NRP2: variants seen among roughly 807,000 people sequenced by gnomAD.
NRP2 encodes the protein neuropilin-2.
A neutral mutation model predicts 110.4 loss-of-function variants in NRP2; 52 were observed. The observed-to-expected ratio is 0.47, with a 90% confidence interval of 0.38 to 0.59. The LOEUF (loss-of-function observed/expected upper bound fraction) is 0.59, where lower values mean the gene tolerates loss of function less well. NRP2 is among the 20% of genes least tolerant of loss of function. The pLI, the probability that NRP2 is intolerant of heterozygous loss-of-function variation, is 0.00. For synonymous variants in NRP2, 508 were observed against 468.9 expected (o/e 1.08, Z -1.08); for missense variants, 1,049 against 1,203.0 (o/e 0.87, Z 1.89).
intron 7 of NRP2, among the ~76,000 whole-genome samples, chr2:205,733,883 T>G (rs1439532439): frequency 6.6e-6 from 1 of 151,990 alleles, no homozygotes; most frequent in Non-Finnish European, 1.5e-5. Context: ...TAGTATGCTG[T>G]GTTCCAGGCC....
At chr2:205,745,183 T>C (rs769374974) in intron 9 of NRP2, among the ~76,000 whole-genome samples, 5 of 152,190 alleles carry the variant, frequency 3.3e-5, no homozygotes, top group Admixed American at 6.5e-5. Flanking sequence ...GTGCTTTCCC[T>C]AAACAAAGGT....
At chr2:205,747,542 CAAA>C (rs1241861843) in intron 10 of NRP2, among the ~76,000 whole-genome samples, 1 of 152,260 alleles carries the variant, frequency 6.6e-6, no homozygotes, top group African/African-American at 2.4e-5. Context: ...AAGTGCACTC[CAAA>C]ATATTATAGT....
intron 16 of NRP2, among the ~76,000 whole-genome samples, chr2:205,793,183 T>C (rs1021198811): frequency 1.3e-5 from 2 of 152,066 alleles, no homozygotes; most frequent in Non-Finnish European, 2.9e-5. Context: ...CCAACCTACA[T>C]GGAGAGACCG....
intron 11 of NRP2, among the ~76,000 whole-genome samples, chr2:205,750,939 G>A (rs1324780583): frequency 6.6e-6 from 1 of 152,172 alleles, no homozygotes; most frequent in Non-Finnish European, 1.5e-5. Context: ...GACTGAAAAA[G>A]CAATAATTTA....
chr2:205,721,811 A>G (rs2057018359), intron 3 of NRP2, among the ~76,000 whole-genome samples: 1 of 152,038 alleles, frequency 6.6e-6, no homozygotes, highest in South Asian at 2.1e-4. Flanking sequence ...AACATCCCCA[A>G]CGGCCTGCTG....
chr2:205,782,846 CTG>C (rs905313892), intron 15 of NRP2, among the ~76,000 whole-genome samples: 3 of 151,192 alleles, frequency 2.0e-5, no homozygotes, highest in Admixed American at 6.6e-5. Context: ...AGTGTTCAGA[CTG>C]TGTCTAGTTT....
At chr2:205,794,255 C>T (rs923919613) in intron 16 of NRP2, among the ~76,000 whole-genome samples, 17 of 152,198 alleles carry the variant, frequency 1.1e-4, no homozygotes, top group Non-Finnish European at 1.9e-4. Flanking sequence ...GGACTACAGG[C>T]GCCCGCCACC....
chr2:205,753,810 A>G (rs1055156967), intron 12 of NRP2, among the ~76,000 whole-genome samples: 1 of 152,184 alleles, frequency 6.6e-6, no homozygotes, highest in African/African-American at 2.4e-5. Context: ...ACACAACATC[A>G]ATGGAGATGG....
intron 8 of NRP2, among the ~76,000 whole-genome samples, chr2:205,742,341 G>A (rs1003021380): frequency 6.6e-6 from 1 of 152,186 alleles, no homozygotes; most frequent in African/African-American, 2.4e-5. Flanking sequence ...AAAATAGATG[G>A]GGTCTCTGAC....
At chr2:205,786,833 G>A (rs1347485843) in intron 15 of NRP2, among the ~76,000 whole-genome samples, 1 of 152,160 alleles carries the variant, frequency 6.6e-6, no homozygotes, top group East Asian at 1.9e-4. Flanking sequence ...GGCAAGTATT[G>A]AACACATAGA....
intron 15 of NRP2, among the ~76,000 whole-genome samples, chr2:205,781,366 T>TA (rs1280841848): frequency 6.6e-6 from 1 of 152,248 alleles, no homozygotes; most frequent in African/African-American, 2.4e-5. Context: ...AAATACCAGA[T>TA]GTCAAGGCCT....
chr2:205,707,770 T>G (rs188142430), intron 2 of NRP2, among the ~76,000 whole-genome samples: 62 of 152,284 alleles, frequency 4.1e-4, no homozygotes, highest in African/African-American at 1.4e-3. Flanking sequence ...CCCTCACAAT[T>G]GGATCCCCTG....
At chr2:205,697,329 T>C (rs1287000908) in intron 1 of NRP2, among the ~76,000 whole-genome samples, 2 of 151,078 alleles carry the variant, frequency 1.3e-5, no homozygotes, top group South Asian at 2.1e-4. Context: ...TGTGTGTGTG[T>C]GTGTGTGTGT....
At chr2:205,728,770 C>A (rs1021979034) in intron 7 of NRP2, among the ~76,000 whole-genome samples, 1 of 152,244 alleles carries the variant, frequency 6.6e-6, no homozygotes, top group African/African-American at 2.4e-5. Context: ...ACAGCACACT[C>A]AGCCCATGGG....
In NRP2 at chr2:205,795,261, G is replaced by A. The variant is rs182574711; in HGVS notation, c.*203G>A. 160 of 610,986 alleles carry A rather than the reference G, an allele frequency of 2.6e-4. No homozygotes were observed. Among genetic ancestry groups the A allele is most frequent in the African/African-American group, 2.1e-3 (114 of 54,930 alleles). The allele number at this position is 610,986 out of a possible 1,614,324, so 37.8% of individuals were successfully genotyped here. ...AGGGGATGATTACCCTCCTAGGACC[G>A]CGGTGGCTAAGTCATTGCAGGAACG... On this transcript the variant is annotated 3_prime_UTR_variant, in exon 17 of 17. Coordinates refer to ENST00000357785, the MANE Select transcript of NRP2 (RefSeq NM_003872.3).
Position 205,683,159 on chromosome 2 carries a change from C to A in NRP2, c.-132C>A. ...GAGGTGAAGACAAGCCACCAGGACT[C>A]AGGAGGGAAACGCTGACCATTAGAA... On this transcript the variant is annotated 5_prime_UTR_variant, in exon 1 of 17. Transcript: ENST00000357785. 1 of 700,946 alleles carries A rather than the reference C, an allele frequency of 1.4e-6. No individual in the cohort carries two copies. The highest frequency in any genetic ancestry group is 2.5e-6 in the Non-Finnish European group (1 of 397,268). The allele number at this position is 700,946 out of a possible 1,614,324, so 43.4% of individuals were successfully genotyped here. A position where few individuals can be genotyped will look rare whatever the true frequency, so the allele number is the denominator to read the frequency against.
intron 2 of NRP2, among the ~76,000 whole-genome samples, chr2:205,714,617 C>T (rs2056858383): frequency 6.6e-6 from 1 of 152,180 alleles, no homozygotes; most frequent in Non-Finnish European, 1.5e-5. Context: ...AAACCACAGA[C>T]CTAAACAGAT....
intron 16 of NRP2, among the ~76,000 whole-genome samples, chr2:205,793,192 C>T (rs113681083): frequency 0.01 from 1,579 of 152,178 alleles, 35 homozygotes; most frequent in African/African-American, 0.036. Flanking sequence ...ATGGAGAGAC[C>T]GCAGTAGATC....
rs2276675 is a variant in NRP2 at position 205,687,914 on chromosome 2, C to T, written c.73+4551C>T. Among the ~76,000 whole-genome samples, 471 of 152,304 alleles carry T rather than the reference C, an allele frequency of 3.1e-3. 9 individuals carry two copies. The highest frequency in any genetic ancestry group is 0.014 in the Admixed American group (207 of 15,304). ...GGTCTGGGGTCAGTGAGGAGAGACACCAGGGACCAGATGATTCTGGGGACC... is the reference window on the plus strand; with the variant it reads ...GGTCTGGGGTCAGTGAGGAGAGACATCAGGGACCAGATGATTCTGGGGACC... On this transcript the variant is annotated intron_variant, in intron 1 of 16. Coordinates refer to ENST00000357785, the MANE Select transcript of NRP2 (RefSeq NM_003872.3).
Sources: gnomAD v4.1 joint callset for allele counts (sites outside exome capture counted in the v4.1 genomes callset) on GRCh38, gnomAD v4.1.1 for gene constraint, MANE v1.5 for transcripts, NCBI Gene and HGNC (gene_info 2026-07-23, HGNC 2026-07-21) for gene names.